ADAMTS18: variants seen among roughly 807,000 people sequenced by gnomAD.
ADAMTS18 encodes A disintegrin and metalloproteinase with thrombospondin motifs 18.
Under a neutral mutation model 165.9 loss-of-function variants are expected in ADAMTS18, and 157 were observed. The ratio of observed to expected loss-of-function variants is 0.95; its 90% confidence interval spans 0.83 to 1.08. ADAMTS18 has a LOEUF of 1.08. Ranked by LOEUF, ADAMTS18 falls within the 50% of genes least tolerant of loss-of-function variation. The probability of loss-of-function intolerance (pLI) is 0.00; values close to 1 mark genes in which losing one functional copy is unlikely to be tolerated. For missense variants in ADAMTS18, 2,040 were observed against 1,534.0 expected (o/e 1.33, Z -5.51); for synonymous variants, 782 against 578.2 (o/e 1.35, Z -5.06).
chr16:77,431,216 T>C (rs2057735077), intron 3 of ADAMTS18, 79 bp downstream of exon 3: 1 of 1,502,916 alleles, frequency 6.7e-7, no homozygotes. Context: ...TGGAAGAGCA[T>C]TTATATTGCA....
chr16:77,321,088 T>C lies in ADAMTS18; in HGVS notation c.2278A>G (p.Lys760Glu), dbSNP rs1243925767. ...CAGCAGCATCTCTCACCATTTGCTT[T>C]ATGCTGGTTGAGGTACAGGCCTTTA... ...FYKGLYLNQH[K>E]ANEYYPVVLI... Residue 760 changes from lysine (K) to glutamate (E), a missense_variant, in exon 15 of 23, where the codon AAA (lysine) becomes GAA (glutamate). By Grantham distance (56) the Lys-to-Glu change is moderately conservative. Transcript: ENST00000282849. The C allele has an allele frequency of 2.5e-6, 4 of 1,614,106 alleles. No homozygotes were observed. Among genetic ancestry groups the C allele is most frequent in the Non-Finnish European group, 8.5e-7 (1 of 1,180,032 alleles).
At chr16:77,340,381 G>A (rs1314638288) in intron 11 of ADAMTS18, among the ~76,000 whole-genome samples, 1 of 151,968 alleles carries the variant, frequency 6.6e-6, no homozygotes, top group Non-Finnish European at 1.5e-5. Context: ...CACCACGTTG[G>A]CCAGGCTAGT....
intron 3 of ADAMTS18, among the ~76,000 whole-genome samples, chr16:77,419,898 C>T (rs1256006099): frequency 1.3e-5 from 2 of 150,172 alleles, no homozygotes; most frequent in East Asian, 3.9e-4. Flanking sequence ...ACTTGGGAGG[C>T]CGAGGCAGGA....
In ADAMTS18 at chr16:77,282,684, G is replaced by T. The variant is rs2055168679; in HGVS notation, c.*1272C>A. 1 of 152,508 alleles carries T rather than the reference G, an allele frequency of 6.6e-6. No individual in the cohort carries two copies. The allele number at this position is 152,508 out of a possible 1,614,324, so 9.4% of individuals were successfully genotyped here. On this transcript the variant is annotated 3_prime_UTR_variant, in exon 23 of 23. Coordinates refer to ENST00000282849, the MANE Select transcript of ADAMTS18 (RefSeq NM_199355.4). ...ATAACCACTTCTCAAAAAATTACAG[G>T]AGGACACAGTATTATAATTACTTTG...
chr16:77,376,897 C>T (rs1157986486), intron 3 of ADAMTS18, among the ~76,000 whole-genome samples: 1 of 149,118 alleles, frequency 6.7e-6, no homozygotes, highest in Non-Finnish European at 1.5e-5. Context: ...TCACTGAAAC[C>T]TCTATCTCCC....
At chr16:77,322,235 C>G in intron 14 of ADAMTS18, 101 bp downstream of exon 14, 1 of 1,414,190 alleles carries the variant, frequency 7.1e-7, no homozygotes. Flanking sequence ...GCCACCTGCT[C>G]TTCTCCAGAC....
chr16:77,285,290 A>G (rs936808598), intron 22 of ADAMTS18, among the ~76,000 whole-genome samples: 7 of 152,160 alleles, frequency 4.6e-5, no homozygotes, highest in African/African-American at 1.7e-4. Flanking sequence ...CTCCTGCGTA[A>G]GCCTCCTGGG....
At chr16:77,341,936 A>G in intron 10 of ADAMTS18, 137 bp from the exon 11 acceptor site, 1 of 691,044 alleles carries the variant, frequency 1.4e-6, no homozygotes, top group East Asian at 2.7e-5. Context: ...AGGCCAGTGA[A>G]GTTGGCAACA....
chr16:77,396,380 C>T (rs2057257232), intron 3 of ADAMTS18, among the ~76,000 whole-genome samples: 1 of 152,182 alleles, frequency 6.6e-6, no homozygotes, highest in Non-Finnish European at 1.5e-5. Context: ...AAACAGATCA[C>T]AGCCTTTCTA....
At chr16:77,351,968 A>G (rs2056562772) in intron 10 of ADAMTS18, among the ~76,000 whole-genome samples, 1 of 152,158 alleles carries the variant, frequency 6.6e-6, no homozygotes, top group African/African-American at 2.4e-5. Flanking sequence ...TGCTGGCCTC[A>G]AGTGATCCTC....
chr16:77,332,137 T>C (rs934387359), intron 12 of ADAMTS18, among the ~76,000 whole-genome samples: 3 of 152,300 alleles, frequency 2.0e-5, no homozygotes, highest in Admixed American at 6.5e-5. Context: ...TCTGTGGTCA[T>C]AGATCAGAAG....
rs2056305530 is a variant in ADAMTS18, at chr16:77,336,035, A to G, written c.1711-131T>C. The G allele has an allele frequency of 2.7e-6, 3 of 1,092,764 alleles. No homozygotes were observed. The Admixed American group carries it at 5.4e-5, about 20-fold the overall frequency. The allele number at this position is 1,092,764 out of a possible 1,614,324, so 67.7% of individuals were successfully genotyped here. Reference sequence around the variant, plus strand: ...AAAGGAAAATGCCTGATACCTTGATAAATTCCTCTGCTGTGCTCTAAAAAC... The same window carrying G: ...AAAGGAAAATGCCTGATACCTTGATGAATTCCTCTGCTGTGCTCTAAAAAC... On this transcript the variant is annotated intron_variant, in intron 11 of 22. Transcript: ENST00000282849.
chr16:77,403,036 G>A (rs1168435944), intron 3 of ADAMTS18, among the ~76,000 whole-genome samples: 4 of 152,160 alleles, frequency 2.6e-5, no homozygotes, highest in South Asian at 2.1e-4. Flanking sequence ...TATATTAACC[G>A]CTTATTATGT....
chr16:77,369,496 A>G (rs1238052411), intron 3 of ADAMTS18, among the ~76,000 whole-genome samples: 1 of 152,180 alleles, frequency 6.6e-6, no homozygotes, highest in Non-Finnish European at 1.5e-5. Flanking sequence ...GAAAACTAAG[A>G]AAGAACAGAG....
chr16:77,296,655 A>C (rs2055478721), intron 18 of ADAMTS18, among the ~76,000 whole-genome samples: 1 of 152,166 alleles, frequency 6.6e-6, no homozygotes, highest in African/African-American at 2.4e-5. Flanking sequence ...CCCCGTCTCT[A>C]CTAAAAATAC....
rs112130818 is a variant in ADAMTS18, at chr16:77,364,091, C to T, written c.972+97G>A. On this transcript the variant is annotated intron_variant, in intron 5 of 22. Coordinates refer to ENST00000282849, the MANE Select transcript of ADAMTS18 (RefSeq NM_199355.4). ...ATGGCAGAAACTGCAATTACATTTG[C>T]ACCGACCTAATACACCTGCTATTCA... 1.6e-4 allele frequency: 234 copies of T among 1,506,408 alleles called. No individual in the cohort carries two copies. The African/African-American group carries it at 2.9e-3, about 18-fold the overall frequency. The allele number at this position is 1,506,408 out of a possible 1,614,324, so 93.3% of individuals were successfully genotyped here. A position where few individuals can be genotyped will look rare whatever the true frequency, so the allele number is the denominator to read the frequency against.
At chr16:77,336,114 G>C (rs1043486772) in intron 11 of ADAMTS18, among the ~76,000 whole-genome samples, 1 of 152,202 alleles carries the variant, frequency 6.6e-6, no homozygotes, top group Admixed American at 6.5e-5. Flanking sequence ...CATCTAGAGA[G>C]AAGTGGCATT....
At chr16:77,284,858 A>C (rs910872524) in intron 22 of ADAMTS18, among the ~76,000 whole-genome samples, 1 of 152,070 alleles carries the variant, frequency 6.6e-6, no homozygotes, top group African/African-American at 2.4e-5. Context: ...CACGAACTAT[A>C]ATTTCAGGAG....
intron 3 of ADAMTS18, among the ~76,000 whole-genome samples, chr16:77,396,201 CAG>C (rs1289449000): frequency 2.0e-5 from 3 of 152,202 alleles, no homozygotes. Context: ...TACCTAGAAT[CAG>C]AGAATTTTTA....
Sources: allele counts gnomAD v4.1 joint callset (sites outside exome capture counted in the v4.1 genomes callset), GRCh38; gene constraint gnomAD v4.1.1; transcripts MANE v1.5; gene names NCBI Gene and HGNC (gene_info 2026-07-23, HGNC 2026-07-21).